Variants in MYO1C observed in about 807,000 individuals in gnomAD.
The protein encoded by MYO1C is unconventional myosin-Ic.
A neutral mutation model predicts 150.8 loss-of-function variants in MYO1C; 104 were observed. The ratio of observed to expected loss-of-function variants is 0.69; its 90% CI spans 0.59 to 0.81. The LOEUF is 0.81. MYO1C is among the 30% of genes least tolerant of loss of function. The pLI is 0.00. For synonymous variants in MYO1C, 663 were observed against 579.9 expected (o/e 1.14, Z -2.06); for missense variants, 1,504 against 1,435.0 (o/e 1.05, Z -0.78).
At chr17:1,483,811 A>AGTGG (rs2074590736) in intron 2 of MYO1C, 86 bp from the exon 3 acceptor site, 1 of 1,064,560 alleles carries the variant, frequency 9.4e-7, no homozygotes, top group Non-Finnish European at 1.4e-6. Flanking sequence ...TGGGAGGCCA[A>AGTGG]GGTGGGCGGA....
intron 1 of MYO1C, chr17:1,492,102 G>T (rs2074742152): frequency 1.7e-5 from 7 of 420,148 alleles, no homozygotes; most frequent in South Asian, 4.3e-5. Flanking sequence ...GAGCTTCCAT[G>T]CCCTGGTCCT....
At chr17:1,492,151 G>C (rs1339577242) in intron 1 of MYO1C, 5 of 523,408 alleles carry the variant, frequency 9.6e-6, no homozygotes, top group African/African-American at 5.8e-5. Flanking sequence ...TTTGTGCCCA[G>C]TATTCACGGT....
rs2074145126 is a variant in MYO1C, at chr17:1,465,182, A to C, written c.*544T>G. 1 of 152,856 alleles carries C rather than the reference A, an allele frequency of 6.5e-6. No individual in the cohort carries two copies. Among genetic ancestry groups the C allele is most frequent in the Admixed American group, 6.6e-5 (1 of 15,262 alleles). 9.5% of individuals were successfully genotyped at this position (152,856 alleles called of 1,614,324 possible). On this transcript the variant is annotated 3_prime_UTR_variant, in exon 32 of 32. Transcript: ENST00000648651. ...GTCTCAGCCCCCAGATGGAAGTCAGAGTGGGCTGCAAAAGATGCAGATGGG... is the reference window on the plus strand; with the variant it reads ...GTCTCAGCCCCCAGATGGAAGTCAGCGTGGGCTGCAAAAGATGCAGATGGG...
At chr17:1,473,217 CAAAA>C (rs1020547325) in intron 17 of MYO1C, among the ~76,000 whole-genome samples, 5 of 151,702 alleles carry the variant, frequency 3.3e-5, no homozygotes, top group Non-Finnish European at 7.4e-5. Context: ...AAAACAAAAA[CAAAA>C]AAGGGGATGA....
rs114017309 is a variant in MYO1C at position 1,490,590 on chromosome 17, T to A, written c.75+1823A>T. On this transcript the variant is annotated intron_variant, in intron 1 of 31. Coordinates refer to ENST00000648651, the MANE Select transcript of MYO1C (RefSeq NM_001080779.2). The stretch of plus-strand genomic sequence containing the variant: ...CAAGACAGCAGCCTAACTGGCCTCC[T>A]TGCCTTCCTCCTACCAATCCATTTC... 6.2e-3 allele frequency among the ~76,000 whole-genome samples: 947 copies of A among 152,246 alleles called. 11 individuals carry two copies. The highest frequency in any genetic ancestry group is 0.022 in the African/African-American group (903 of 41,520).
chr17:1,488,991 C>G (rs1448638689), intron 1 of MYO1C, among the ~76,000 whole-genome samples: 1 of 152,182 alleles, frequency 6.6e-6, no homozygotes, highest in Non-Finnish European at 1.5e-5. Flanking sequence ...AATGTTCCCC[C>G]AGCCTAAGGG....
rs2074435638 is a variant in MYO1C at position 1,478,027 on chromosome 17, G to A, written c.1402-56C>T. 3.7e-6 allele frequency: 6 copies of A among 1,612,250 alleles called. No homozygotes were observed. The highest frequency in any genetic ancestry group is 1.1e-5 in the South Asian group (1 of 91,058). ...CGTGGGGTCCTGGCACCCTCTCCCA[G>A]GGGCCCCGATACCCAGGCTCCCCGT... On this transcript the variant is annotated intron_variant, in intron 12 of 31. Transcript: ENST00000648651. The surrounding 1 kb of genome is among the most constrained non-coding windows in gnomAD (Gnocchi z 6.3).
In MYO1C at chr17:1,492,545, G is replaced by A; in HGVS notation, c.-58C>T. 6.6e-7 allele frequency: 1 copy of A among 1,514,170 alleles called. No individual in the cohort carries two copies. The highest frequency in any genetic ancestry group is 2.0e-4 in the Middle Eastern group (1 of 4,950). The allele number at this position is 1,514,170 out of a possible 1,614,324, so 93.8% of individuals were successfully genotyped here. On this transcript the variant is annotated 5_prime_UTR_variant, in exon 1 of 32. Coordinates refer to ENST00000648651, the MANE Select transcript of MYO1C (RefSeq NM_001080779.2). The stretch of plus-strand genomic sequence containing the variant: ...CGCGGCCTGTGAGCAAGAGCTGCCT[G>A]CCCACTGGCGGGCTCCGACCACTCC...
chr17:1,489,110 GAA>G (rs1421726761), intron 1 of MYO1C, among the ~76,000 whole-genome samples: 3 of 152,260 alleles, frequency 2.0e-5, no homozygotes, highest in Non-Finnish European at 4.4e-5. Context: ...CAAGGCAGCA[GAA>G]AGGCAGCCAC....
chr17:1,491,129 T>G (rs377250692), intron 1 of MYO1C: 82 of 152,364 alleles, frequency 5.4e-4, no homozygotes, highest in African/African-American at 1.8e-3. Context: ...GATGAATGAA[T>G]GAATCTCAGA....
chr17:1,484,442 CG>C (rs1237995752), intron 1 of MYO1C, 139 bp from the exon 2 acceptor site: 30 of 1,073,916 alleles, frequency 2.8e-5, no homozygotes, highest in African/African-American at 7.8e-5. Context: ...ATGACGGGTG[CG>C]GGGGGCCTGG....
At position 1,474,699 on chromosome 17, in the gene MYO1C, G is replaced by C; in HGVS notation, c.1717-9C>G. 6.2e-7 allele frequency: 1 copy of C among 1,613,962 alleles called. No individual in the cohort carries two copies. Among genetic ancestry groups the C allele is most frequent in the Non-Finnish European group, 8.5e-7 (1 of 1,179,866 alleles). On this transcript the variant is annotated splice_polypyrimidine_tract_variant and intron_variant, in intron 16 of 31. Transcript: ENST00000648651. ...TTTGAGCTACACATGGTCTGTGTGG[G>C]CAGAGCCGGGGTCAGGGTGGGGCAC...
intron 1 of MYO1C, among the ~76,000 whole-genome samples, chr17:1,486,505 T>C (rs1598348824): frequency 1.4e-5 from 2 of 141,368 alleles, no homozygotes; most frequent in Non-Finnish European, 1.5e-5. Context: ...ACCTCCTCCC[T>C]CCCTCCTTTT....
chr17:1,479,408 C>T lies in MYO1C; in HGVS notation c.1092+23G>A, dbSNP rs78481682. The T allele has an allele frequency of 0.019, 22,459 of 1,159,526 alleles. 270 individuals carry two copies. The highest frequency in any genetic ancestry group is 0.023 in the Non-Finnish European group (18,607 of 797,554). The allele number at this position is 1,159,526 out of a possible 1,614,324, so 71.8% of individuals were successfully genotyped here. A position where few individuals can be genotyped will look rare whatever the true frequency, so the allele number is the denominator to read the frequency against. Reference sequence around the variant, plus strand: ...CTTGGAACAGCTGCCCCTCCACACCCGAGGGCAAGGGCCCGGCCTCACCTC... The same window carrying T: ...CTTGGAACAGCTGCCCCTCCACACCTGAGGGCAAGGGCCCGGCCTCACCTC... On this transcript the variant is annotated intron_variant, in intron 9 of 31. Coordinates refer to ENST00000648651, the MANE Select transcript of MYO1C (RefSeq NM_001080779.2). The surrounding 1 kb of genome is among the most constrained non-coding windows in gnomAD (Gnocchi z 4.2).
intron 23 of MYO1C, 50 bp from the exon 24 acceptor site, chr17:1,470,384 C>T (rs1176751667): frequency 7.1e-6 from 11 of 1,543,028 alleles, no homozygotes; most frequent in African/African-American, 4.1e-5. Flanking sequence ...TGGCGGTGAA[C>T]CACCCCCCAC....
At chr17:1,477,748 T>C in intron 13 of MYO1C, 143 bp downstream of exon 13, 1 of 1,014,184 alleles carries the variant, frequency 9.9e-7, no homozygotes, top group Non-Finnish European at 1.6e-6. Context: ...GGCACCTCCC[T>C]CCATCCTCCA....
intron 14 of MYO1C, among the ~76,000 whole-genome samples, chr17:1,476,663 A>G (rs2074407561): frequency 6.6e-6 from 1 of 152,288 alleles, no homozygotes; most frequent in East Asian, 1.9e-4. Context: ...AAGCGACGAC[A>G]TGCACAGCAT....
At chr17:1,491,455 C>CT (rs1555524133) in intron 1 of MYO1C, 7 of 158,084 alleles carry the variant, frequency 4.4e-5, no homozygotes, top group African/African-American at 1.6e-4. Flanking sequence ...GGACCCCCCC[C>CT]CCCCGCACGG....
At chr17:1,471,783 A>G in intron 19 of MYO1C, 124 bp downstream of exon 19, 1 of 1,033,702 alleles carries the variant, frequency 9.7e-7, no homozygotes, top group Non-Finnish European at 1.5e-6. Context: ...CACCAAGGGC[A>G]GCCCAGGGCC....
Sources: gnomAD v4.1 joint callset for allele counts (sites outside exome capture counted in the v4.1 genomes callset) on GRCh38, gnomAD v4.1.1 for gene constraint, Gnocchi (gnomAD v3.1) non-coding constraint, MANE v1.5 for transcripts, NCBI Gene and HGNC (gene_info 2026-07-23, HGNC 2026-07-21) for gene names.